The following TUBB2B variants were observed in gnomAD, a reference collection of about 807,000 sequenced individuals.
TUBB2B encodes the protein tubulin beta 2B class IIb, also known as tubulin beta-2B chain.
TUBB2B carries 5 observed loss-of-function variants against 35.0 expected under a neutral mutation model. The ratio of observed to expected loss-of-function variants is 0.14; its 90% confidence interval spans 0.07 to 0.30. The LOEUF is 0.30. TUBB2B is among the 10% of genes least tolerant of loss of function. TUBB2B has a pLI of 1.00. For synonymous variants in TUBB2B, 166 were observed against 250.5 expected (o/e 0.66, Z 3.18); for missense variants, 63 against 601.8 (o/e 0.10, Z 9.37).
chr6:3,226,932 G>A lies in TUBB2B; in HGVS notation c.58-263C>T, dbSNP rs1051800570. Reference sequence around the variant, plus strand: ...TAAGGACCAGCCAAAGCCGGGCAGTGGCGGAGCTTGGCGCACTGGTCGCAG... The same window carrying A: ...TAAGGACCAGCCAAAGCCGGGCAGTAGCGGAGCTTGGCGCACTGGTCGCAG... On this transcript the variant is annotated intron_variant, in intron 1 of 3. Coordinates refer to ENST00000259818, the MANE Select transcript of TUBB2B (RefSeq NM_178012.5). This position sits in a 1 kb window ranked among gnomAD's most constrained non-coding sequence, Gnocchi z 5.5. 2.6e-5 allele frequency among the ~76,000 whole-genome samples: 4 copies of A among 152,212 alleles called. No homozygotes were observed. The highest frequency in any genetic ancestry group is 5.9e-5 in the Non-Finnish European group (4 of 68,030).
chr6:3,226,087 T>G lies in TUBB2B; in HGVS notation c.277+72A>C. The G allele has an allele frequency of 6.9e-7, 1 of 1,448,712 alleles. No homozygotes were observed. Among genetic ancestry groups the G allele is most frequent in the African/African-American group, 1.4e-5 (1 of 71,770 alleles). 89.7% of individuals were successfully genotyped at this position (1,448,712 alleles called of 1,614,324 possible). On this transcript the variant is annotated intron_variant, in intron 3 of 3. Coordinates refer to ENST00000259818, the MANE Select transcript of TUBB2B (RefSeq NM_178012.5). The surrounding 1 kb of genome is among the most constrained non-coding windows in gnomAD (Gnocchi z 5.5). Reference sequence around the variant, plus strand: ...GTTCTTCATGCTTTCCCTCTGGCAATCACACCTCTTCAGCCTCCACTGCCC... The same window carrying G: ...GTTCTTCATGCTTTCCCTCTGGCAAGCACACCTCTTCAGCCTCCACTGCCC...
At position 3,224,496 on chromosome 6, in the gene TUBB2B, T is replaced by C. The variant is rs1233710180; in HGVS notation, c.*255A>G. On this transcript the variant is annotated 3_prime_UTR_variant, in exon 4 of 4. Transcript: ENST00000259818. ...AAAGGAAGAGAAAGAGAGGACACCATTCCGACACAAACGTTTATGTGATTT... is the reference window on the plus strand; with the variant it reads ...AAAGGAAGAGAAAGAGAGGACACCACTCCGACACAAACGTTTATGTGATTT... 1 of 608,188 alleles carries C rather than the reference T, an allele frequency of 1.6e-6. No individual in the cohort carries two copies. The highest frequency in any genetic ancestry group is 1.8e-5 in the African/African-American group (1 of 54,140). 37.7% of individuals were successfully genotyped at this position (608,188 alleles called of 1,614,324 possible).
In TUBB2B at chr6:3,225,822, G is replaced by A; in HGVS notation, c.278-11C>T. ...CGGCTCCACTCTGGCCTGCCAGAGG[G>A]AAAGAGAAATCTTAAGTCACCGGTG... On this transcript the variant is annotated splice_polypyrimidine_tract_variant and intron_variant, in intron 3 of 3. Coordinates refer to ENST00000259818, the MANE Select transcript of TUBB2B (RefSeq NM_178012.5). The A allele has an allele frequency of 6.2e-7, 1 of 1,613,730 alleles. No individual in the cohort carries two copies. The highest frequency in any genetic ancestry group is 8.5e-7 in the Non-Finnish European group (1 of 1,179,898).
Position 3,227,651 on chromosome 6 carries a change from G to A in TUBB2B, c.-108C>T. On this transcript the variant is annotated 5_prime_UTR_variant, in exon 1 of 4. Transcript: ENST00000259818. This position sits in a 1 kb window ranked among gnomAD's most constrained non-coding sequence, Gnocchi z 7.8. The stretch of plus-strand genomic sequence containing the variant: ...GAAGGCGCTCGGGAACCGACGGGCT[G>A]AGAGCGCCGGCCCCGCGGGCTCCGG... The A allele has an allele frequency of 6.7e-7, 1 of 1,482,400 alleles. No homozygotes were observed. Among genetic ancestry groups the A allele is most frequent in the Non-Finnish European group, 9.2e-7 (1 of 1,090,674 alleles). 91.8% of individuals were successfully genotyped at this position (1,482,400 alleles called of 1,614,324 possible).
chr6:3,224,590 GA>G lies in TUBB2B; in HGVS notation c.*160del, dbSNP rs10717744. On this transcript the variant is annotated 3_prime_UTR_variant, in exon 4 of 4. Transcript: ENST00000259818. ...TGATGTCATCAATATTACAAAAAAG[GA>G]AAAAAAAAGTGACAGGCAACAGTGA... is the stretch of plus-strand genomic sequence containing the variant. 0.94 allele frequency: 993,988 copies of G among 1,062,476 alleles called. 466,264 individuals carry two copies. Among genetic ancestry groups the G allele is most frequent in the African/African-American group, 0.96 (59,963 of 62,480 alleles). 65.8% of individuals were successfully genotyped at this position (1,062,476 alleles called of 1,614,324 possible).
Position 3,224,740 on chromosome 6 carries a change from C to T in TUBB2B, c.*11G>A. ...CTCCTCCGCTTTCCCTAACCCGTCTCGCGGGGGCATCTACGCCTCGTCCTC... is the reference window on the plus strand; with the variant it reads ...CTCCTCCGCTTTCCCTAACCCGTCTTGCGGGGGCATCTACGCCTCGTCCTC... On this transcript the variant is annotated 3_prime_UTR_variant, in exon 4 of 4. Coordinates refer to ENST00000259818, the MANE Select transcript of TUBB2B (RefSeq NM_178012.5). The T allele has an allele frequency of 1.9e-6, 3 of 1,613,914 alleles. No homozygotes were observed. The highest frequency in any genetic ancestry group is 2.5e-6 in the Non-Finnish European group (3 of 1,179,912).
Position 3,226,891 on chromosome 6 carries a change from G to A in TUBB2B, c.58-222C>T, listed in dbSNP as rs968493232. On this transcript the variant is annotated intron_variant, in intron 1 of 3. Coordinates refer to ENST00000259818, the MANE Select transcript of TUBB2B (RefSeq NM_178012.5). The surrounding 1 kb of genome is among the most constrained non-coding windows in gnomAD (Gnocchi z 5.5). The stretch of plus-strand genomic sequence containing the variant: ...AAACAGCTGCCGCTCGCGGGGGGAG[G>A]TAGGGGTCGAGGGGGTAAGGACCAG... Among the ~76,000 whole-genome samples the A allele has an allele frequency of 6.6e-6, 1 of 152,206 alleles. No homozygotes were observed. Among genetic ancestry groups the A allele is most frequent in the Non-Finnish European group, 1.5e-5 (1 of 68,036 alleles).
rs1261660639 is a variant in TUBB2B at position 3,227,517 on chromosome 6, C to T, written c.27G>A (p.Ala9=). The T allele has an allele frequency of 1.2e-6, 2 of 1,610,282 alleles. No individual in the cohort carries two copies. Among genetic ancestry groups the T allele is most frequent in the African/African-American group, 1.3e-5 (1 of 74,992 alleles). The change falls in exon 1 of 4, where the codon GCG becomes GCA. Residue 9 remains alanine (A), a synonymous_variant. Transcript: ENST00000259818. This position sits in a 1 kb window ranked among gnomAD's most constrained non-coding sequence, Gnocchi z 7.8. The stretch of plus-strand genomic sequence containing the variant: ...CGCCGATCTGGTTGCCGCACTGGCC[C>T]GCCTGGATGTGCACGATCTCACGCA... MREIVHIQ[A]GQCGNQIGAK...
chr6:3,224,774 C>G lies in TUBB2B; in HGVS notation c.1315G>C (p.Glu439Gln), dbSNP rs748894707. 1 of 1,613,932 alleles carries G rather than the reference C, an allele frequency of 6.2e-7. No homozygotes were observed. The highest frequency in any genetic ancestry group is 2.2e-5 in the East Asian group (1 of 44,868). ...ATCTACGCCTCGTCCTCGCCCTCCT[C>G]CTCCTCGAACTCCCCTTGTTCGTCG... ...TADEQGEFEE[E>Q]EGEDEA Residue 439 changes from glutamate (E) to glutamine (Q), a missense_variant, in exon 4 of 4, where the codon GAG becomes CAG. Coordinates refer to ENST00000259818, the MANE Select transcript of TUBB2B (RefSeq NM_178012.5).
Position 3,226,394 on chromosome 6 carries a change from G to A in TUBB2B, c.167-125C>T. 1 of 1,051,852 alleles carries A rather than the reference G, an allele frequency of 9.5e-7. No homozygotes were observed. The highest frequency in any genetic ancestry group is 1.5e-6 in the Non-Finnish European group (1 of 684,590). The allele number at this position is 1,051,852 out of a possible 1,614,324, so 65.2% of individuals were successfully genotyped here. A position where few individuals can be genotyped will look rare whatever the true frequency, so the allele number is the denominator to read the frequency against. On this transcript the variant is annotated intron_variant, in intron 2 of 3. Transcript: ENST00000259818. This position sits in a 1 kb window ranked among gnomAD's most constrained non-coding sequence, Gnocchi z 5.5. ...GAGACCCACCATCAGGTTCTCAAAGGGCTCTGTTGGCATAAGGAAGCCCAA... is the reference window on the plus strand; with the variant it reads ...GAGACCCACCATCAGGTTCTCAAAGAGCTCTGTTGGCATAAGGAAGCCCAA...
chr6:3,224,455 T>A lies in TUBB2B; in HGVS notation c.*296A>T. ...ATGTGTTCAGAAAGTTACATTTAAA[T>A]CGTTAATAAAGAGAAAAAGGAAGAG... On this transcript the variant is annotated 3_prime_UTR_variant, in exon 4 of 4. Transcript: ENST00000259818. 1.9e-6 allele frequency: 1 copy of A among 540,532 alleles called. No individual in the cohort carries two copies. The highest frequency in any genetic ancestry group is 2.4e-5 in the South Asian group (1 of 42,428). The allele number at this position is 540,532 out of a possible 1,614,324, so 33.5% of individuals were successfully genotyped here.
Position 3,224,720 on chromosome 6 carries a change from C to A in TUBB2B, c.*31G>T, listed in dbSNP as rs1321947184. On this transcript the variant is annotated 3_prime_UTR_variant, in exon 4 of 4. Transcript: ENST00000259818. ...CCCCCCACCCCCTCGCTTTCCTCCT[C>A]CGCTTTCCCTAACCCGTCTCGCGGG... 1.2e-5 allele frequency: 20 copies of A among 1,612,398 alleles called. No homozygotes were observed. Among genetic ancestry groups the A allele is most frequent in the Non-Finnish European group, 1.7e-5 (20 of 1,178,742 alleles).
At position 3,224,705 on chromosome 6, in the gene TUBB2B, C is replaced by G; in HGVS notation, c.*46G>C. The G allele has an allele frequency of 1.2e-6, 2 of 1,610,558 alleles. No individual in the cohort carries two copies. The highest frequency in any genetic ancestry group is 1.7e-6 in the Non-Finnish European group (2 of 1,177,490). The stretch of plus-strand genomic sequence containing the variant: ...TATCGTCCCGGGAAGCCCCCCACCC[C>G]CTCGCTTTCCTCCTCCGCTTTCCCT... On this transcript the variant is annotated 3_prime_UTR_variant, in exon 4 of 4. Coordinates refer to ENST00000259818, the MANE Select transcript of TUBB2B (RefSeq NM_178012.5).
rs776330382 is a variant in TUBB2B at position 3,227,455 on chromosome 6, C to G, written c.57+32G>C. Reference sequence around the variant, plus strand: ...GGGCTCTCGGCCCAGGTTCGCGCCCCCATTGGACCCCCTCCGCTGCGGCGC... The same window carrying G: ...GGGCTCTCGGCCCAGGTTCGCGCCCGCATTGGACCCCCTCCGCTGCGGCGC... On this transcript the variant is annotated intron_variant, in intron 1 of 3. Transcript: ENST00000259818. The surrounding 1 kb of genome is among the most constrained non-coding windows in gnomAD (Gnocchi z 7.8). 6.2e-7 allele frequency: 1 copy of G among 1,603,244 alleles called. No homozygotes were observed. The highest frequency in any genetic ancestry group is 8.5e-7 in the Non-Finnish European group (1 of 1,179,406).
At position 3,226,279 on chromosome 6, in the gene TUBB2B, A is replaced by G. The variant is rs368052204; in HGVS notation, c.167-10T>C. On this transcript the variant is annotated splice_polypyrimidine_tract_variant and intron_variant, in intron 2 of 3. Coordinates refer to ENST00000259818, the MANE Select transcript of TUBB2B (RefSeq NM_178012.5). This position sits in a 1 kb window ranked among gnomAD's most constrained non-coding sequence, Gnocchi z 5.5. ...GGAACATATTTGTTACCTGCAAGGA[A>G]CAACAGTGACTTAGACCCTCAGGCA... 4 of 1,610,930 alleles carry G rather than the reference A, an allele frequency of 2.5e-6. No individual in the cohort carries two copies. The highest frequency in any genetic ancestry group is 1.3e-5 in the African/African-American group (1 of 74,894).
At chr6:3,225,921 A>T in intron 3 of TUBB2B, 110 bp from the exon 4 acceptor site, 1 of 1,538,458 alleles carries the variant, frequency 6.5e-7, no homozygotes, top group Admixed American at 1.9e-5. Context: ...ACTATTTCAG[A>T]TTATCACCAA....
chr6:3,227,048 A>G lies in TUBB2B; in HGVS notation c.58-379T>C, dbSNP rs1426235126. ...AAGAGGAACGCAAAGGAGCTAAAGGACCGCGGTTTTAGATTCAAAGCACGT... is the reference window on the plus strand; with the variant it reads ...AAGAGGAACGCAAAGGAGCTAAAGGGCCGCGGTTTTAGATTCAAAGCACGT... On this transcript the variant is annotated intron_variant, in intron 1 of 3. Coordinates refer to ENST00000259818, the MANE Select transcript of TUBB2B (RefSeq NM_178012.5). This position sits in a 1 kb window ranked among gnomAD's most constrained non-coding sequence, Gnocchi z 7.8. 6.6e-6 allele frequency among the ~76,000 whole-genome samples: 1 copy of G among 151,886 alleles called. No individual in the cohort carries two copies. The highest frequency in any genetic ancestry group is 1.5e-5 in the Non-Finnish European group (1 of 67,952).
chr6:3,226,429 G>A lies in TUBB2B; in HGVS notation c.166+132C>T, dbSNP rs1364595228. 8.6e-6 allele frequency: 9 copies of A among 1,045,014 alleles called. No individual in the cohort carries two copies. The highest frequency in any genetic ancestry group is 1.3e-5 in the Non-Finnish European group (9 of 672,582). The allele number at this position is 1,045,014 out of a possible 1,614,324, so 64.7% of individuals were successfully genotyped here. On this transcript the variant is annotated intron_variant, in intron 2 of 3. Transcript: ENST00000259818. The surrounding 1 kb of genome is among the most constrained non-coding windows in gnomAD (Gnocchi z 5.5). ...GCATAAGGAAGCCCAATGAAATACT[G>A]CAGGGAAAGAGCGGGGATCCTAAAC...
In TUBB2B at chr6:3,225,051, G is replaced by C. The variant is rs762232849; in HGVS notation, c.1038C>G (p.Pro346=). 4 of 997,892 alleles carry C rather than the reference G, an allele frequency of 4.0e-6. No homozygotes were observed. In the African/African-American group the frequency reaches 8.7e-5, roughly 22 times the overall value. 61.8% of individuals were successfully genotyped at this position (997,892 alleles called of 1,614,324 possible). Residue 346 remains proline (P), a synonymous_variant, in exon 4 of 4, where the codon CCC becomes CCG. Transcript: ENST00000259818. The part of the protein sequence containing the change: ...KNSSYFVEWI[P]NNVKTAVCDI... Reference sequence around the variant, plus strand: ...CGCACACGGCCGTCTTCACGTTGTTGGGGATCCACTCCACGAAGTAGCTGC... The same window carrying C: ...CGCACACGGCCGTCTTCACGTTGTTCGGGATCCACTCCACGAAGTAGCTGC...
Sources: gnomAD v4.1 joint callset for allele counts (sites outside exome capture counted in the v4.1 genomes callset) on GRCh38, gnomAD v4.1.1 for gene constraint, Gnocchi (gnomAD v3.1) non-coding constraint, MANE v1.5 for transcripts, NCBI Gene and HGNC (gene_info 2026-07-23, HGNC 2026-07-21) for gene names.